VPS35L: variants seen among roughly 807,000 people sequenced by gnomAD.
VPS35L encodes VPS35 endosomal protein-sorting factor-like.
VPS35L carries 83 observed loss-of-function variants against 133.0 expected under a neutral mutation model. The ratio of observed to expected loss-of-function variants is 0.62; its 90% CI spans 0.52 to 0.75. The LOEUF is 0.75. Ranked by LOEUF, VPS35L falls within the 30% of genes least tolerant of loss-of-function variation. The pLI is 0.00. For synonymous variants in VPS35L, 423 were observed against 449.9 expected, an observed-to-expected ratio of 0.94 and a Z score of 0.76; for missense variants, 1,083 against 1,206.8, an observed-to-expected ratio of 0.90 and a Z score of 1.52.
chr16:19,654,298 A>G (rs1386229890), intron 26 of VPS35L, among the ~76,000 whole-genome samples: 3 of 151,920 alleles, frequency 2.0e-5, no homozygotes. Flanking sequence ...ATGCTTTCTT[A>G]CTGTGTTTGT....
chr16:19,682,500 T>G, intron 28 of VPS35L, 110 bp downstream of exon 28: 1 of 1,224,056 alleles, frequency 8.2e-7, no homozygotes, highest in Non-Finnish European at 1.1e-6. Context: ...TTAGCTTCCA[T>G]GAACTTCTAG....
chr16:19,646,793 G>C (rs1481167082), intron 23 of VPS35L, among the ~76,000 whole-genome samples: 2 of 152,140 alleles, frequency 1.3e-5, no homozygotes, highest in African/African-American at 4.8e-5. Context: ...TTGATGGGGG[G>C]TAGTCCACAG....
chr16:19,627,105 A>G (rs1324363372), intron 15 of VPS35L, among the ~76,000 whole-genome samples: 1 of 152,094 alleles, frequency 6.6e-6, no homozygotes, highest in Admixed American at 6.5e-5. Flanking sequence ...AACATGGTGA[A>G]ACCCTGTCTC....
Position 19,591,882 on chromosome 16 carries a change from C to T in VPS35L, c.724+8C>T, listed in dbSNP as rs775283191. The T allele has an allele frequency of 2.5e-6, 4 of 1,575,600 alleles. No individual in the cohort carries two copies. In the African/African-American group the frequency reaches 4.1e-5, roughly 16 times the overall value. On this transcript the variant is annotated splice_region_variant and intron_variant, in intron 8 of 30. Coordinates refer to ENST00000417362, the MANE Select transcript of VPS35L (RefSeq NM_020314.7). ...ACATACTTGATACATTTGGTAAGTA[C>T]CTGTCATATGCATCTTAGATCTAGG...
intron 8 of VPS35L, among the ~76,000 whole-genome samples, chr16:19,598,472 A>G (rs1356922491): frequency 4.6e-5 from 7 of 152,202 alleles, no homozygotes; most frequent in Non-Finnish European, 8.8e-5. Flanking sequence ...CTAATTTTGT[A>G]GTTAAAAGAT....
intron 9 of VPS35L, among the ~76,000 whole-genome samples, chr16:19,602,299 C>G (rs1972408816): frequency 6.6e-6 from 1 of 152,000 alleles, no homozygotes; most frequent in South Asian, 2.1e-4. Context: ...CATCCTTTGC[C>G]TTTATTCCTC....
At chr16:19,682,056 TC>T (rs1975298597) in intron 27 of VPS35L, among the ~76,000 whole-genome samples, 168 bp from the exon 28 acceptor site, 1 of 152,230 alleles carries the variant, frequency 6.6e-6, no homozygotes, top group South Asian at 2.1e-4. Flanking sequence ...GTCATTTTCC[TC>T]TGTATTGTTT....
chr16:19,577,263 G>C (rs988771395), intron 5 of VPS35L, among the ~76,000 whole-genome samples: 1 of 152,204 alleles, frequency 6.6e-6, no homozygotes, highest in African/African-American at 2.4e-5. Context: ...AAGCAAATGA[G>C]AGCAGGTGTG....
chr16:19,670,043 G>C (rs1469909882), intron 27 of VPS35L, among the ~76,000 whole-genome samples: 7 of 151,078 alleles, frequency 4.6e-5, no homozygotes, highest in Non-Finnish European at 8.9e-5. Context: ...ATAGCTCACT[G>C]TAGCCTTGAA....
intron 28 of VPS35L, among the ~76,000 whole-genome samples, chr16:19,682,892 T>G (rs895712989): frequency 2.0e-5 from 3 of 151,868 alleles, no homozygotes; most frequent in Admixed American, 6.6e-5. Flanking sequence ...TACAGATTCT[T>G]CAGCCCCATC....
Position 19,633,281 on chromosome 16 carries a change from A to T in VPS35L, c.1635+109A>T. The stretch of plus-strand genomic sequence containing the variant: ...ATAAAGGCACATAATCCTGTGTTTG[A>T]ATCATAGCTCTGCCATATCCTAGCC... On this transcript the variant is annotated intron_variant, in intron 19 of 30. Coordinates refer to ENST00000417362, the MANE Select transcript of VPS35L (RefSeq NM_020314.7). This position sits in a 1 kb window ranked among gnomAD's most constrained non-coding sequence, Gnocchi z 4.1. 1.0e-6 allele frequency: 1 copy of T among 1,001,532 alleles called. No homozygotes were observed. Among genetic ancestry groups the T allele is most frequent in the Non-Finnish European group, 1.6e-6 (1 of 640,744 alleles). 62.0% of individuals were successfully genotyped at this position (1,001,532 alleles called of 1,614,324 possible).
At chr16:19,630,166 T>C (rs1446783083) in intron 18 of VPS35L, among the ~76,000 whole-genome samples, 1 of 152,076 alleles carries the variant, frequency 6.6e-6, no homozygotes, top group African/African-American at 2.4e-5. Flanking sequence ...GACTGGCATG[T>C]AATTTTTTTC....
At chr16:19,578,288 T>TA in intron 5 of VPS35L, 1 of 332,292 alleles carries the variant, frequency 3.0e-6, no homozygotes, top group Non-Finnish European at 6.0e-6. Flanking sequence ...TCTTTTTTCT[T>TA]TTTTTTTTTT....
At chr16:19,588,191 T>TATGTATG (rs1555498178) in intron 7 of VPS35L, among the ~76,000 whole-genome samples, 84 of 95,880 alleles carry the variant, frequency 8.8e-4, no homozygotes, top group African/African-American at 4.8e-3. Flanking sequence ...ATGTATGTAT[T>TATGTATG]TATTTATTGA....
intron 27 of VPS35L, among the ~76,000 whole-genome samples, chr16:19,679,289 A>G (rs2151615076): frequency 6.6e-6 from 1 of 151,934 alleles, no homozygotes; most frequent in South Asian, 2.1e-4. Flanking sequence ...TGCCAGTATC[A>G]TAAGAGCAAT....
chr16:19,645,988 G>C (rs1321207543), intron 23 of VPS35L, among the ~76,000 whole-genome samples: 2 of 151,848 alleles, frequency 1.3e-5, no homozygotes, highest in Non-Finnish European at 2.9e-5. Context: ...GGGGGGTCGA[G>C]ACAGGGGTTT....
At chr16:19,686,056 G>C (rs1437954593) in intron 28 of VPS35L, among the ~76,000 whole-genome samples, 21 of 152,190 alleles carry the variant, frequency 1.4e-4, no homozygotes, top group Non-Finnish European at 2.9e-5. Context: ...CTAGCTTTTA[G>C]AGATGAAAAC....
At chr16:19,596,153 G>T (rs1218356952) in intron 8 of VPS35L, among the ~76,000 whole-genome samples, 1 of 152,208 alleles carries the variant, frequency 6.6e-6, no homozygotes, top group Non-Finnish European at 1.5e-5. Context: ...GAGGCTTGGA[G>T]AAGGAAAGTA....
At chr16:19,650,253 A>G (rs1027029567) in intron 24 of VPS35L, 129 bp from the exon 25 acceptor site, 3 of 763,210 alleles carry the variant, frequency 3.9e-6, no homozygotes. Context: ...GTTTAGTGCT[A>G]ACCAGTCTTG....
Sources: allele counts gnomAD v4.1 joint callset (sites outside exome capture counted in the v4.1 genomes callset), GRCh38; gene constraint gnomAD v4.1.1; non-coding constraint Gnocchi (gnomAD v3.1); transcripts MANE v1.5; gene names NCBI Gene and HGNC (gene_info 2026-07-23, HGNC 2026-07-21).